Variants in NUP107 observed in about 807,000 individuals in gnomAD.
NUP107 encodes the protein nuclear pore complex protein Nup107.
Under a neutral mutation model 141.0 loss-of-function variants are expected in NUP107, and 101 were observed. That is an observed-to-expected ratio of 0.72 (90% CI 0.61 to 0.84). The LOEUF (loss-of-function observed/expected upper bound fraction) is 0.84. Among genes scored for constraint, NUP107 ranks in the 40% least tolerant of loss-of-function variants. NUP107 has a pLI of 0.00. For missense variants in NUP107, 941 were observed against 1,102.7 expected (o/e 0.85, Z 2.08); for synonymous variants, 319 against 363.9 (o/e 0.88, Z 1.41).
chr12:68,734,567 GA>G lies in NUP107; in HGVS notation c.2263-134del, dbSNP rs200255146. 1,699 of 647,294 alleles carry G rather than the reference GA, an allele frequency of 2.6e-3. 18 individuals are homozygous for G. Among genetic ancestry groups the G allele is most frequent in the African/African-American group, 0.026 (1,393 of 54,002 alleles). 40.1% of individuals were successfully genotyped at this position (647,294 alleles called of 1,614,324 possible). A position where few individuals can be genotyped will look rare whatever the true frequency, so the allele number is the denominator to read the frequency against. ...TATTCATGATATGAATTTTTGGAGGGAAAAAAATATATATTGAACAGTTTTA... is the reference window on the plus strand; with the variant it reads ...TATTCATGATATGAATTTTTGGAGGGAAAAAATATATATTGAACAGTTTTA... On this transcript the variant is annotated intron_variant, in intron 24 of 27. Coordinates refer to ENST00000229179, the MANE Select transcript of NUP107 (RefSeq NM_020401.4).
At position 68,742,872 on chromosome 12, in the gene NUP107, G is replaced by C. The variant is rs867932052; in HGVS notation, c.*410G>C. On this transcript the variant is annotated 3_prime_UTR_variant, in exon 28 of 28. Coordinates refer to ENST00000229179, the MANE Select transcript of NUP107 (RefSeq NM_020401.4). Reference sequence around the variant, plus strand: ...TAGTATTTTTGAATATTAAAATTAAGAAGATGACTATAACAAGAATTTTTC... The same window carrying C: ...TAGTATTTTTGAATATTAAAATTAACAAGATGACTATAACAAGAATTTTTC... 2 of 152,162 alleles carry C rather than the reference G, an allele frequency of 1.3e-5. No homozygotes were observed. The highest frequency in any genetic ancestry group is 1.3e-4 in the Admixed American group (2 of 15,272). The allele number at this position is 152,162 out of a possible 1,614,324, so 9.4% of individuals were successfully genotyped here. A position where few individuals can be genotyped will look rare whatever the true frequency, so the allele number is the denominator to read the frequency against.
In NUP107 at chr12:68,697,597, C is replaced by T. The variant is rs11834925; in HGVS notation, c.552+675C>T. Among the ~76,000 whole-genome samples, 1,000 of 152,196 alleles carry T rather than the reference C, an allele frequency of 6.6e-3. 11 individuals are homozygous for T. The highest frequency in any genetic ancestry group is 0.022 in the African/African-American group (934 of 41,514). On this transcript the variant is annotated intron_variant, in intron 6 of 27. Coordinates refer to ENST00000229179, the MANE Select transcript of NUP107 (RefSeq NM_020401.4). ...CACCTTTACCTGTGTAACAAACCTG[C>T]ACATCCTGCACATTTATCCTGGAAC...
intron 10 of NUP107, among the ~76,000 whole-genome samples, chr12:68,713,278 A>G (rs1487672648): frequency 1.3e-5 from 2 of 151,496 alleles, no homozygotes; most frequent in African/African-American, 2.4e-5. Flanking sequence ...AGGAGACTGA[A>G]ATGGGAGGAT....
intron 19 of NUP107, among the ~76,000 whole-genome samples, chr12:68,727,016 G>C (rs1002065333): frequency 6.6e-6 from 1 of 152,218 alleles, no homozygotes; most frequent in South Asian, 2.1e-4. Context: ...GAATGATACA[G>C]TAGTTGAAAG....
At chr12:68,737,735 G>C (rs1301008692) in intron 26 of NUP107, among the ~76,000 whole-genome samples, 1 of 152,144 alleles carries the variant, frequency 6.6e-6, no homozygotes, top group African/African-American at 2.4e-5. Context: ...ACAGTTAAAT[G>C]ATTAATAACA....
In NUP107 at chr12:68,700,836, G is replaced by A. The variant is rs1214115508; in HGVS notation, c.663G>A (p.Leu221=). The change falls in exon 7 of 28, where the codon CTG becomes CTA. Residue 221 remains leucine (L), a synonymous_variant. Transcript: ENST00000229179. ...LLQQEMVTWR[L]LASLYRDRIQ... is the part of the protein sequence containing the mutation. ...AACAGGAGATGGTCACATGGAGGCT[G>A]CTGGCTTCTTTGTATAGGTAATGGC... is the stretch of plus-strand genomic sequence containing the variant. 3.1e-6 allele frequency: 5 copies of A among 1,596,378 alleles called. No individual in the cohort carries two copies. Among genetic ancestry groups the A allele is most frequent in the Non-Finnish European group, 4.3e-6 (5 of 1,175,388 alleles).
chr12:68,728,285 C>CG (rs1877650848), intron 20 of NUP107, among the ~76,000 whole-genome samples: 1 of 84,488 alleles, frequency 1.2e-5, no homozygotes, highest in Non-Finnish European at 2.4e-5. Flanking sequence ...GAGACCATCT[C>CG]AAAAAAAAAA....
chr12:68,736,429 G>A (rs1181866142), intron 26 of NUP107, among the ~76,000 whole-genome samples: 1 of 151,304 alleles, frequency 6.6e-6, no homozygotes, highest in Non-Finnish European at 1.5e-5. Flanking sequence ...TTCTTTTTTT[G>A]TTTTAGAGAC....
At chr12:68,713,306 T>G (rs1038697949) in intron 10 of NUP107, among the ~76,000 whole-genome samples, 1 of 148,476 alleles carries the variant, frequency 6.7e-6, no homozygotes, top group African/African-American at 2.5e-5. Flanking sequence ...GTCCGGGAGG[T>G]CGAGGCTGCA....
intron 1 of NUP107, 79 bp downstream of exon 1, chr12:68,687,152 C>T (rs1474799304): frequency 2.8e-5 from 45 of 1,591,924 alleles, no homozygotes; most frequent in Non-Finnish European, 3.7e-5. Context: ...TGAAACTAGA[C>T]TCCCAGAAGA....
chr12:68,702,733 C>T lies in NUP107; in HGVS notation c.681-3C>T. 1 of 1,534,508 alleles carries T rather than the reference C, an allele frequency of 6.5e-7. No individual in the cohort carries two copies. The highest frequency in any genetic ancestry group is 8.8e-7 in the Non-Finnish European group (1 of 1,139,108). On this transcript the variant is annotated splice_region_variant and splice_polypyrimidine_tract_variant and intron_variant, in intron 7 of 27. Transcript: ENST00000229179. ...TTTTTTATTTTGTCTTATTTTTCCC[C>T]AGAGACAGAATACAGTCTGCATTAG...
intron 24 of NUP107, among the ~76,000 whole-genome samples, chr12:68,734,506 A>AAT (rs1877979319): frequency 6.6e-6 from 1 of 152,164 alleles, no homozygotes; most frequent in Non-Finnish European, 1.5e-5. Context: ...CAGAAAACAC[A>AAT]ATATATATAC....
chr12:68,690,841 G>A (rs1273050805), intron 4 of NUP107, 95 bp downstream of exon 4: 2 of 1,255,480 alleles, frequency 1.6e-6, no homozygotes, highest in Non-Finnish European at 2.2e-6. Flanking sequence ...GACCTCAAGT[G>A]ATTCTCCCGC....
intron 5 of NUP107, among the ~76,000 whole-genome samples, chr12:68,694,185 TAA>T (rs2136000061): frequency 6.6e-6 from 1 of 152,356 alleles, no homozygotes; most frequent in East Asian, 1.9e-4. Flanking sequence ...GTACTCGTAT[TAA>T]GTGACTCAAA....
intron 6 of NUP107, among the ~76,000 whole-genome samples, chr12:68,699,643 A>G (rs1876231162): frequency 6.6e-6 from 1 of 152,216 alleles, no homozygotes; most frequent in Admixed American, 6.5e-5. Context: ...TACTAGTCTT[A>G]AGACAGTAGT....
chr12:68,734,804 G>A lies in NUP107; in HGVS notation c.2359G>A (p.Ala787Thr). 1 of 1,612,714 alleles carries A rather than the reference G, an allele frequency of 6.2e-7. No homozygotes were observed. Among genetic ancestry groups the A allele is most frequent in the Non-Finnish European group, 8.5e-7 (1 of 1,179,594 alleles). The change falls in exon 25 of 28, where the codon GCT (alanine) becomes ACT (threonine). Residue 787 changes from alanine (A) to threonine (T), a missense_variant. By Grantham distance (58) the Ala-to-Thr change is moderately conservative (BLOSUM62 0). Coordinates refer to ENST00000229179, the MANE Select transcript of NUP107 (RefSeq NM_020401.4). Reference protein sequence around the residue: ...IPQPTFTEKVAHEHKEKKYEM... With the variant: ...IPQPTFTEKVTHEHKEKKYEM... Reference sequence around the variant, plus strand: ...TCAACCAACTTTTACTGAGAAAGTGGCTCATGAACACAAAGAAAAGAAATA... The same window carrying A: ...TCAACCAACTTTTACTGAGAAAGTGACTCATGAACACAAAGAAAAGAAATA...
intron 8 of NUP107, chr12:68,706,569 A>G (rs945184947): frequency 2.9e-6 from 2 of 680,704 alleles, no homozygotes; most frequent in African/African-American, 1.8e-5. Flanking sequence ...GAACAGGAAC[A>G]TCAGTCGGCT....
rs780328444 is a variant in NUP107 at position 68,726,457 on chromosome 12, A to T, written c.1577-42A>T. 24 of 1,281,402 alleles carry T rather than the reference A, an allele frequency of 1.9e-5. No homozygotes were observed. The Admixed American group carries it at 2.9e-4, about 15-fold the overall frequency. The allele number at this position is 1,281,402 out of a possible 1,614,324, so 79.4% of individuals were successfully genotyped here. ...TGGTAATGTTTATTTTTTTCTTTTG[A>T]TTTTATTCCTATTGTTGAATCTTCA... On this transcript the variant is annotated intron_variant, in intron 18 of 27. Coordinates refer to ENST00000229179, the MANE Select transcript of NUP107 (RefSeq NM_020401.4).
intron 20 of NUP107, among the ~76,000 whole-genome samples, chr12:68,728,193 G>A (rs1877646098): frequency 6.6e-6 from 1 of 151,302 alleles, no homozygotes; most frequent in South Asian, 2.1e-4. Flanking sequence ...GGAGGCTGAG[G>A]CAGGAAGATC....
Sources: allele counts gnomAD v4.1 joint callset (sites outside exome capture counted in the v4.1 genomes callset), GRCh38; gene constraint gnomAD v4.1.1; transcripts MANE v1.5; gene names NCBI Gene and HGNC (gene_info 2026-07-23, HGNC 2026-07-21).